Variants in PTPRD observed in about 807,000 individuals in gnomAD.
PTPRD encodes protein tyrosine phosphatase receptor type D.
A neutral mutation model predicts 214.5 loss-of-function variants in PTPRD; 34 were observed. The observed-to-expected ratio is 0.16, with a 90% confidence interval of 0.12 to 0.21. The LOEUF (loss-of-function observed/expected upper bound fraction) is 0.21, where lower values mean the gene tolerates loss of function less well. Among genes scored for constraint, PTPRD ranks in the 10% least tolerant of loss-of-function variants. The pLI is 1.00. For synonymous variants in PTPRD, 1,128 were observed against 845.7 expected (o/e 1.33, Z -5.79); for missense variants, 2,545 against 2,398.7 (o/e 1.06, Z -1.27).
chr9:8,661,705 T>A (rs922271333), intron 12 of PTPRD, among the ~76,000 whole-genome samples: 5 of 151,482 alleles, frequency 3.3e-5, no homozygotes, highest in Non-Finnish European at 7.3e-5. Flanking sequence ...AAGATAAGAA[T>A]GTTGATTTAT....
chr9:10,272,232 T>A (rs932908826), intron 3 of PTPRD, among the ~76,000 whole-genome samples: 1 of 152,364 alleles, frequency 6.6e-6, no homozygotes, highest in East Asian at 1.9e-4. Flanking sequence ...CTGGCTTCTT[T>A]CGCTTAACAT....
At chr9:10,089,593 G>A (rs948601812) in intron 3 of PTPRD, among the ~76,000 whole-genome samples, 15 of 151,626 alleles carry the variant, frequency 9.9e-5, no homozygotes, top group African/African-American at 2.9e-4. Flanking sequence ...TGATCTAGGT[G>A]ATTAAGTATA....
intron 5 of PTPRD, among the ~76,000 whole-genome samples, chr9:9,901,538 T>C (rs1242920927): frequency 2.6e-5 from 4 of 152,000 alleles, no homozygotes; most frequent in East Asian, 1.9e-4. Context: ...TGGGGAAATA[T>C]ATAACCAAAG....
At chr9:8,806,534 G>A (rs956442648) in intron 11 of PTPRD, among the ~76,000 whole-genome samples, 3 of 152,074 alleles carry the variant, frequency 2.0e-5, no homozygotes, top group Admixed American at 6.6e-5. Context: ...TGACTTCTAT[G>A]AGTCATGTAG....
intron 2 of PTPRD, among the ~76,000 whole-genome samples, chr9:10,432,399 C>T (rs940603683): frequency 6.6e-6 from 1 of 151,590 alleles, no homozygotes; most frequent in Non-Finnish European, 1.5e-5. Context: ...AACTAACCTG[C>T]ACAATGTGCA....
At chr9:9,212,157 A>C (rs2099949185) in intron 9 of PTPRD, among the ~76,000 whole-genome samples, 1 of 152,176 alleles carries the variant, frequency 6.6e-6, no homozygotes, top group Non-Finnish European at 1.5e-5. Context: ...ATTTTATGAT[A>C]TCCATCACTA....
chr9:9,255,602 C>T (rs1460929967), intron 9 of PTPRD, among the ~76,000 whole-genome samples: 2 of 151,986 alleles, frequency 1.3e-5, no homozygotes, highest in Non-Finnish European at 2.9e-5. Flanking sequence ...GTTCACACTC[C>T]CTCTCAGCAC....
intron 4 of PTPRD, among the ~76,000 whole-genome samples, chr9:9,957,818 G>A (rs1447896195): frequency 6.6e-6 from 1 of 151,918 alleles, no homozygotes; most frequent in Non-Finnish European, 1.5e-5. Flanking sequence ...AGACAGCCTG[G>A]TGTTGGTGAA....
intron 6 of PTPRD, among the ~76,000 whole-genome samples, chr9:9,747,750 AC>A (rs1009702257): frequency 2.0e-5 from 3 of 152,046 alleles, no homozygotes; most frequent in Admixed American, 2.0e-4. Flanking sequence ...ACAGGGTTTC[AC>A]CATTTTGGCC....
chr9:8,840,689 G>A (rs1054372629), intron 11 of PTPRD, among the ~76,000 whole-genome samples: 1 of 152,078 alleles, frequency 6.6e-6, no homozygotes, highest in East Asian at 1.9e-4. Context: ...TATGTAATTC[G>A]GTGGGCCTAC....
At chr9:10,065,652 C>T (rs1475627474) in intron 3 of PTPRD, among the ~76,000 whole-genome samples, 1 of 151,776 alleles carries the variant, frequency 6.6e-6, no homozygotes, top group Non-Finnish European at 1.5e-5. Context: ...CAAAGGCAAA[C>T]CCTAAATATC....
intron 11 of PTPRD, among the ~76,000 whole-genome samples, chr9:8,894,755 T>A (rs2098593661): frequency 6.6e-6 from 1 of 152,180 alleles, no homozygotes; most frequent in African/African-American, 2.4e-5. Flanking sequence ...GTATTAACAT[T>A]TATTTACTCT....
chr9:9,759,695 T>C (rs993675585), intron 6 of PTPRD, among the ~76,000 whole-genome samples: 2 of 151,772 alleles, frequency 1.3e-5, no homozygotes, highest in African/African-American at 4.8e-5. Context: ...GTAGCTGAGA[T>C]TACAGGTGCC....
intron 2 of PTPRD, among the ~76,000 whole-genome samples, chr9:10,383,022 G>A (rs1325383197): frequency 2.0e-5 from 3 of 151,702 alleles, no homozygotes; most frequent in Non-Finnish European, 2.9e-5. Context: ...AATCACATTG[G>A]TATTCATGGG....
At chr9:10,518,721 A>G (rs1174589077) in intron 2 of PTPRD, among the ~76,000 whole-genome samples, 4 of 151,536 alleles carry the variant, frequency 2.6e-5, no homozygotes, top group Non-Finnish European at 5.9e-5. Context: ...TTTAGTACAG[A>G]CAGGGTTTTA....
intron 8 of PTPRD, among the ~76,000 whole-genome samples, chr9:9,408,821 C>T (rs774412987): frequency 3.3e-5 from 5 of 151,632 alleles, no homozygotes; most frequent in Admixed American, 6.6e-5. Context: ...GCACAAAGTG[C>T]GTTCTCAGTA....
chr9:8,653,326 T>C (rs1401464970), intron 12 of PTPRD, among the ~76,000 whole-genome samples: 2 of 152,144 alleles, frequency 1.3e-5, no homozygotes, highest in African/African-American at 2.4e-5. Flanking sequence ...AAAAACAGTG[T>C]TTAGAAATTG....
At chr9:9,724,277 C>G (rs1329932646) in intron 7 of PTPRD, among the ~76,000 whole-genome samples, 1 of 151,994 alleles carries the variant, frequency 6.6e-6, no homozygotes, top group Non-Finnish European at 1.5e-5. Context: ...TATCTTTTAT[C>G]TTAGGTCAAT....
In PTPRD at chr9:10,545,715, G is replaced by A. The variant is rs948212735; in HGVS notation, c.-600+66683C>T. ...GGAAAAACAGTTCTGTTGAGGAGCC[G>A]TCTCTTTCAGAAGTTTTCTCTGGAA... On this transcript the variant is annotated intron_variant, in intron 2 of 45. Coordinates refer to ENST00000381196, the MANE Select transcript of PTPRD (RefSeq NM_002839.4). Among the ~76,000 whole-genome samples the A allele has an allele frequency of 3.9e-5, 6 of 152,220 alleles. 1 individual carries two copies. The highest frequency in any genetic ancestry group is 3.4e-3 in the Middle Eastern group (1 of 294).
Sources: allele counts gnomAD v4.1 joint callset (sites outside exome capture counted in the v4.1 genomes callset), GRCh38; gene constraint gnomAD v4.1.1; transcripts MANE v1.5; gene names NCBI Gene and HGNC (gene_info 2026-07-23, HGNC 2026-07-21).